SHROOM2: variants seen among roughly 807,000 people sequenced by gnomAD.
SHROOM2 encodes the protein shroom family member 2.
A neutral mutation model predicts 75.9 loss-of-function variants in SHROOM2; 33 were observed. The ratio of observed to expected loss-of-function variants is 0.43; its 90% confidence interval spans 0.33 to 0.58. The LOEUF (loss-of-function observed/expected upper bound fraction) is 0.58, where lower values mean the gene tolerates loss of function less well. Ranked by LOEUF, SHROOM2 falls within the 20% of genes least tolerant of loss-of-function variation. The pLI is 0.04. For missense variants in SHROOM2, 1,434 were observed against 1,461.2 expected (o/e 0.98, Z 0.30); for synonymous variants, 655 against 663.6 (o/e 0.99, Z 0.20).
intron 5 of SHROOM2, among the ~76,000 whole-genome samples, chrX:9,930,904 GGCTAATTTTTGCATTTTTA>G (rs2084642758): frequency 9.3e-6 from 1 of 107,655 alleles, no homozygotes; most frequent in Non-Finnish European, 1.9e-5. Flanking sequence ...CACCATGCCC[GGCTAATTTTTGCATTTTTA>G]GTAGAGATGG....
At chrX:9,790,868 C>T (rs141631241) in intron 1 of SHROOM2, among the ~76,000 whole-genome samples, 60 of 110,837 alleles carry the variant, frequency 5.4e-4, no homozygotes, top group East Asian at 4.0e-3. Flanking sequence ...TGTTCTCCGG[C>T]GATGTTTTGG....
intron 1 of SHROOM2, among the ~76,000 whole-genome samples, chrX:9,805,053 A>C (rs1299208635): frequency 1.9e-4 from 20 of 107,765 alleles, no homozygotes; most frequent in Non-Finnish European, 5.8e-5. Flanking sequence ...TGCTTGGCCA[A>C]CATGGTGAGA....
intron 1 of SHROOM2, among the ~76,000 whole-genome samples, chrX:9,821,414 C>T (rs975350057): frequency 1.3e-5 from 1 of 79,252 alleles, no homozygotes; most frequent in Non-Finnish European, 2.7e-5. Flanking sequence ...CCTGAGCTTG[C>T]TTGGGGTACT....
intron 1 of SHROOM2, among the ~76,000 whole-genome samples, chrX:9,795,120 T>TCTTTC (rs199652605): frequency 9.6e-6 from 1 of 104,470 alleles, no homozygotes; most frequent in Admixed American, 1.0e-4. Flanking sequence ...TTTCTTTCTT[T>TCTTTC]TTTTTTTGAA....
At chrX:9,939,934 C>T (rs1360945554) in intron 8 of SHROOM2, among the ~76,000 whole-genome samples, 1 of 111,194 alleles carries the variant, frequency 9.0e-6, no homozygotes, top group Non-Finnish European at 1.9e-5. Context: ...TTACAGGCAC[C>T]TGCCACCAAG....
chrX:9,872,793 C>T (rs758805382), intron 1 of SHROOM2, among the ~76,000 whole-genome samples: 5 of 111,761 alleles, frequency 4.5e-5, no homozygotes, highest in African/African-American at 6.5e-5. Context: ...GAATGTAAAA[C>T]GGTACAGCTG....
At chrX:9,836,951 G>A (rs769751988) in intron 1 of SHROOM2, among the ~76,000 whole-genome samples, 2 of 112,312 alleles carry the variant, frequency 1.8e-5, no homozygotes, top group South Asian at 7.4e-4. Context: ...GACACTCCCT[G>A]TACATGGAAT....
chrX:9,934,397 C>T (rs187421658), intron 6 of SHROOM2, among the ~76,000 whole-genome samples: 1 of 111,508 alleles, frequency 9.0e-6, no homozygotes, highest in East Asian at 2.8e-4. Context: ...GGCATTGTAA[C>T]CACAGTTTTC....
intron 5 of SHROOM2, among the ~76,000 whole-genome samples, chrX:9,928,883 A>G (rs935253087): frequency 2.7e-5 from 3 of 112,632 alleles, no homozygotes; most frequent in African/African-American, 9.7e-5. Context: ...ACATCTACAC[A>G]CATACACAGC....
chrX:9,897,452 G>A (rs188221543), intron 4 of SHROOM2, among the ~76,000 whole-genome samples: 1 of 108,662 alleles, frequency 9.2e-6, no homozygotes, highest in South Asian at 4.0e-4. Flanking sequence ...TGGGTGCGGT[G>A]GTGCATTTGC....
intron 5 of SHROOM2, among the ~76,000 whole-genome samples, chrX:9,925,149 G>A (rs1010149462): frequency 1.8e-5 from 2 of 111,928 alleles, no homozygotes; most frequent in African/African-American, 6.5e-5. Flanking sequence ...GTGCTGTGTT[G>A]GCAAAAGAGC....
At chrX:9,928,158 G>A (rs1487727031) in intron 5 of SHROOM2, among the ~76,000 whole-genome samples, 3 of 110,981 alleles carry the variant, frequency 2.7e-5, no homozygotes, top group African/African-American at 9.9e-5. Flanking sequence ...CTTCAGTGGC[G>A]GCCAGCCCAG....
chrX:9,856,978 G>A (rs2084074313), intron 1 of SHROOM2, among the ~76,000 whole-genome samples: 1 of 112,406 alleles, frequency 8.9e-6, no homozygotes. Flanking sequence ...AGGAGGGCAG[G>A]GCTGATGGCT....
At chrX:9,909,564 G>T (rs777261942) in intron 5 of SHROOM2, among the ~76,000 whole-genome samples, 45 of 112,188 alleles carry the variant, frequency 4.0e-4, no homozygotes, top group African/African-American at 1.4e-3. Flanking sequence ...GGCCAACGTT[G>T]ACAGGTAAGT....
At chrX:9,941,775 T>C (rs1358400306) in intron 8 of SHROOM2, among the ~76,000 whole-genome samples, 2 of 108,925 alleles carry the variant, frequency 1.8e-5, no homozygotes, top group Non-Finnish European at 3.9e-5. Context: ...ATCGAGGCCA[T>C]CCTGGCTAAC....
chrX:9,808,525 G>C (rs747378843), intron 1 of SHROOM2, among the ~76,000 whole-genome samples: 2 of 110,679 alleles, frequency 1.8e-5, no homozygotes, highest in South Asian at 7.7e-4. Context: ...CTCCAGCCTA[G>C]GTGACAGAGT....
intron 1 of SHROOM2, among the ~76,000 whole-genome samples, chrX:9,834,496 T>A (rs1207551287): frequency 9.0e-6 from 1 of 111,461 alleles, no homozygotes; most frequent in Non-Finnish European, 1.9e-5. Flanking sequence ...TTTGCTCAGG[T>A]GTTGCCAAGG....
chrX:9,907,593 T>TG (rs746452497), intron 5 of SHROOM2, among the ~76,000 whole-genome samples: 5 of 111,510 alleles, frequency 4.5e-5, no homozygotes, highest in African/African-American at 1.6e-4. Flanking sequence ...AACAAGTTCC[T>TG]GGGGGAGCAG....
At chrX:9,826,991 A>G (rs2083890661) in intron 1 of SHROOM2, among the ~76,000 whole-genome samples, 1 of 110,640 alleles carries the variant, frequency 9.0e-6, no homozygotes, top group African/African-American at 3.3e-5. Context: ...TATTCAGTTA[A>G]ATAAAAGAAG....
Sources: allele counts gnomAD v4.1 joint callset (sites outside exome capture counted in the v4.1 genomes callset), GRCh38; gene constraint gnomAD v4.1.1; transcripts MANE v1.5; gene names NCBI Gene and HGNC (gene_info 2026-07-23, HGNC 2026-07-21).